Variants in AMZ2 observed in about 807,000 individuals in gnomAD.
The protein encoded by AMZ2 is archaelysin family metallopeptidase 2.
Under a neutral mutation model 36.7 loss-of-function variants are expected in AMZ2, and 26 were observed. The observed-to-expected ratio is 0.71, with a 90% CI of 0.52 to 0.98. AMZ2 has a LOEUF of 0.98. Ranked by LOEUF, AMZ2 falls within the 50% of genes least tolerant of loss-of-function variation. The probability of loss-of-function intolerance (pLI) is 0.00; values close to 1 mark genes in which losing one functional copy is unlikely to be tolerated. For missense variants in AMZ2, 394 were observed against 430.5 expected (o/e 0.92, Z 0.75); for synonymous variants, 144 against 149.1 (o/e 0.97, Z 0.25).
chr17:68,226,796 T>C (rs1177948695), intron 1 of AMZ2, among the ~76,000 whole-genome samples: 1 of 152,030 alleles, frequency 6.6e-6, no homozygotes, highest in East Asian at 1.9e-4. Flanking sequence ...CCTAATTTAC[T>C]CCTAAAATGT....
chr17:68,236,804 T>A (rs2073800301), intron 1 of AMZ2, among the ~76,000 whole-genome samples: 1 of 152,116 alleles, frequency 6.6e-6, no homozygotes, highest in African/African-American at 2.4e-5. Flanking sequence ...GGTCTCCAAC[T>A]CCTGACCTCA....
rs372558404 is a variant in AMZ2, at chr17:68,257,005, A to G, written c.*36A>G. 1.9e-6 allele frequency: 3 copies of G among 1,594,932 alleles called. No individual in the cohort carries two copies. The African/African-American group carries it at 4.0e-5, about 22-fold the overall frequency. On this transcript the variant is annotated 3_prime_UTR_variant, in exon 7 of 7. Coordinates refer to ENST00000359904, the MANE Select transcript of AMZ2 (RefSeq NM_016627.5). ...ATAGGAGTGATTGAAATAAATAACT[A>G]CTTGCATGTTATGCTTTCATTTGGG... is the stretch of plus-strand genomic sequence containing the variant.
intron 1 of AMZ2, among the ~76,000 whole-genome samples, chr17:68,223,249 G>A (rs574000128): frequency 1.3e-5 from 2 of 152,306 alleles, no homozygotes; most frequent in South Asian, 4.1e-4. Context: ...TGTAAACATA[G>A]TCAGTTTCGA....
chr17:68,249,570 A>C (rs1322373486), intron 1 of AMZ2: 1 of 152,422 alleles, frequency 6.6e-6, no homozygotes, highest in Middle Eastern at 3.2e-3. Context: ...AAGTGCTGGG[A>C]TTATAAGCGT....
intron 1 of AMZ2, among the ~76,000 whole-genome samples, chr17:68,238,848 C>A (rs1348150725): frequency 3.9e-5 from 6 of 152,172 alleles, no homozygotes; most frequent in African/African-American, 1.4e-4. Context: ...ATAAAAAAAT[C>A]TTAACCTAGT....
chr17:68,246,534 A>C (rs2074021929), upstream of AMZ2: 1 of 152,244 alleles, frequency 6.6e-6, no homozygotes, highest in Non-Finnish European at 1.5e-5. Flanking sequence ...GCGCCCAGTC[A>C]AAAGGCACAT....
At position 68,248,096 on chromosome 17, in the gene AMZ2, A is replaced by G. The variant is rs781926345; in HGVS notation, c.-610A>G. The G allele has an allele frequency of 3.0e-4, 293 of 986,246 alleles. 1 individual carries two copies. In the Middle Eastern group the frequency reaches 4.6e-3, roughly 16 times the overall value. The allele number at this position is 986,246 out of a possible 1,614,324, so 61.1% of individuals were successfully genotyped here. On this transcript the variant is annotated 5_prime_UTR_variant, in exon 1 of 7. Coordinates refer to ENST00000359904, the MANE Select transcript of AMZ2 (RefSeq NM_016627.5). ...GTGAGGGCTGCCGCGGGTGGGTGGT[A>G]TCGAGGCCTGTCGGGTCAGGGCGGT...
chr17:68,221,289 T>C (rs1216997565), intron 1 of AMZ2, among the ~76,000 whole-genome samples: 10 of 136,350 alleles, frequency 7.3e-5, no homozygotes, highest in African/African-American at 2.8e-4. Flanking sequence ...TTTAGTAGAG[T>C]CAGGGTCTCA....
Position 68,216,719 on chromosome 17 carries a change from T to C in AMZ2, c.-67+10481T>C, listed in dbSNP as rs568187626. Among the ~76,000 whole-genome samples, 65 of 152,276 alleles carry C rather than the reference T, an allele frequency of 4.3e-4. No individual in the cohort carries two copies. The South Asian group carries it at 0.012, about 29-fold the overall frequency. ...AAAGATACTGTAATGGTTTTTGTTA[T>C]ATCTGCAGTGAGTATTTATGAAATC... On this transcript the variant is annotated intron_variant, in intron 1 of 7. Coordinates refer to the AMZ2 transcript ENST00000674770.
intron 2 of AMZ2, 42 bp downstream of exon 2, chr17:68,250,512 T>C (rs781884797): frequency 1.3e-6 from 2 of 1,593,680 alleles, no homozygotes; most frequent in Admixed American, 1.7e-5. Context: ...AGTTTTGCAG[T>C]GGCGCTCTTG....
intron 1 of AMZ2, among the ~76,000 whole-genome samples, chr17:68,209,207 T>TTA (rs1568336743): frequency 1.3e-5 from 2 of 151,930 alleles, no homozygotes; most frequent in East Asian, 3.9e-4. Context: ...CTTTTTTTTT[T>TTA]TTTTTTGATG....
At chr17:68,209,634 T>TATATA (rs1568337751) in intron 1 of AMZ2, among the ~76,000 whole-genome samples, 7 of 84,666 alleles carry the variant, frequency 8.3e-5, no homozygotes, top group Non-Finnish European at 1.4e-4. Flanking sequence ...ATATATATAT[T>TATATA]TTTTTTTTTT....
At chr17:68,213,738 A>C (rs1812702248) in intron 1 of AMZ2, among the ~76,000 whole-genome samples, 1 of 152,028 alleles carries the variant, frequency 6.6e-6, no homozygotes, top group Non-Finnish European at 1.5e-5. Flanking sequence ...ATCTTGAGCT[A>C]TGATTTTATT....
chr17:68,242,710 A>G (rs2073926921), intron 1 of AMZ2, among the ~76,000 whole-genome samples: 1 of 151,984 alleles, frequency 6.6e-6, no homozygotes, highest in Non-Finnish European at 1.5e-5. Flanking sequence ...ACCGTGCCCA[A>G]CCAAGCACAT....
chr17:68,249,683 C>G (rs1351199869), intron 1 of AMZ2: 1 of 141,584 alleles, frequency 7.1e-6, no homozygotes, highest in South Asian at 2.2e-4. Context: ...GTTTTGGACT[C>G]TTGCCCAGGC....
chr17:68,248,975 G>C (rs1259798953), intron 1 of AMZ2: 1 of 822,214 alleles, frequency 1.2e-6, no homozygotes, highest in East Asian at 4.4e-5. Context: ...AGATGATCCA[G>C]ACAGAGATGT....
intron 1 of AMZ2, among the ~76,000 whole-genome samples, chr17:68,216,568 T>C (rs1361466664): frequency 6.6e-6 from 1 of 152,192 alleles, no homozygotes; most frequent in African/African-American, 2.4e-5. Context: ...TCAGAACGTA[T>C]TTTATGAGAG....
chr17:68,228,578 GC>G (rs138501146), intron 1 of AMZ2, among the ~76,000 whole-genome samples: 2,314 of 152,328 alleles, frequency 0.015, 53 homozygotes, highest in African/African-American at 0.053. Context: ...AGCCACTCTG[GC>G]CACTCCAGCA....
chr17:68,253,408 C>T (rs1384870290), intron 4 of AMZ2, among the ~76,000 whole-genome samples: 1 of 151,980 alleles, frequency 6.6e-6, no homozygotes, highest in African/African-American at 2.4e-5. Flanking sequence ...GAAGCAGTAC[C>T]CTGTAGGGTG....
Sources: gnomAD v4.1 joint callset for allele counts (sites outside exome capture counted in the v4.1 genomes callset) on GRCh38, gnomAD v4.1.1 for gene constraint, MANE v1.5 for transcripts, NCBI Gene and HGNC (gene_info 2026-07-23, HGNC 2026-07-21) for gene names.